The following LRRC4C variants were observed in gnomAD, a reference collection of about 807,000 sequenced individuals.
The protein encoded by LRRC4C is leucine rich repeat containing 4C.
Under a neutral mutation model 33.6 loss-of-function variants are expected in LRRC4C, and 5 were observed. The ratio of observed to expected loss-of-function variants is 0.15; its 90% CI spans 0.08 to 0.31. LRRC4C has a LOEUF of 0.31. LRRC4C is among the 10% of genes least tolerant of loss of function. The pLI is 1.00. For missense variants in LRRC4C, 560 were observed against 796.7 expected (o/e 0.70, Z 3.58); for synonymous variants, 329 against 302.0 (o/e 1.09, Z -0.93).
chr11:40,520,207 G>T (rs1199701639), intron 3 of LRRC4C, among the ~76,000 whole-genome samples: 1 of 152,166 alleles, frequency 6.6e-6, no homozygotes, highest in Non-Finnish European at 1.5e-5. Context: ...AGTTACCCAA[G>T]AGCGCATGTT....
intron 3 of LRRC4C, among the ~76,000 whole-genome samples, chr11:40,550,070 A>G (rs1228104536): frequency 6.6e-6 from 1 of 152,162 alleles, no homozygotes; most frequent in Non-Finnish European, 1.5e-5. Flanking sequence ...ACTGTAATTT[A>G]ATAATAATGA....
At chr11:41,058,224 C>T (rs1196654362) in intron 1 of LRRC4C, among the ~76,000 whole-genome samples, 2 of 152,238 alleles carry the variant, frequency 1.3e-5, no homozygotes, top group Non-Finnish European at 2.9e-5. Context: ...TTGGGGCCTG[C>T]AGTTCCTGGC....
At chr11:40,984,098 A>C (rs1008431654) in intron 1 of LRRC4C, among the ~76,000 whole-genome samples, 1 of 151,878 alleles carries the variant, frequency 6.6e-6, no homozygotes, top group Admixed American at 6.6e-5. Flanking sequence ...TGATATGTTC[A>C]ATCCTATAAC....
At chr11:40,288,975 C>T (rs188164571) in intron 4 of LRRC4C, among the ~76,000 whole-genome samples, 10 of 152,216 alleles carry the variant, frequency 6.6e-5, no homozygotes, top group Admixed American at 3.3e-4. Context: ...TGCATTATTT[C>T]CCTGTAAAAT....
intron 1 of LRRC4C, among the ~76,000 whole-genome samples, chr11:41,398,960 A>G (rs2138083003): frequency 6.6e-6 from 1 of 152,034 alleles, no homozygotes; most frequent in African/African-American, 2.4e-5. Flanking sequence ...CATCAAACAT[A>G]TTCCTGTCCA....
chr11:41,453,461 G>A (rs927891374), intron 1 of LRRC4C, among the ~76,000 whole-genome samples: 1 of 152,002 alleles, frequency 6.6e-6, no homozygotes, highest in Non-Finnish European at 1.5e-5. Flanking sequence ...TACTTGATTT[G>A]CATTTACAGA....
intron 2 of LRRC4C, among the ~76,000 whole-genome samples, chr11:40,931,698 A>G (rs930913132): frequency 6.6e-6 from 1 of 152,026 alleles, no homozygotes; most frequent in African/African-American, 2.4e-5. Context: ...ATGCGTAGAT[A>G]CTTATAATTA....
At chr11:40,442,593 G>C (rs960683789) in intron 3 of LRRC4C, among the ~76,000 whole-genome samples, 3 of 152,168 alleles carry the variant, frequency 2.0e-5, no homozygotes, top group Non-Finnish European at 4.4e-5. Context: ...GTGAGAACCC[G>C]ACCTTTAAAC....
intron 1 of LRRC4C, among the ~76,000 whole-genome samples, chr11:41,092,018 G>C (rs1357043919): frequency 6.6e-6 from 1 of 152,074 alleles, no homozygotes; most frequent in Admixed American, 6.5e-5. Context: ...TATAATTATA[G>C]TAGAAGCCCC....
intron 2 of LRRC4C, among the ~76,000 whole-genome samples, chr11:40,764,301 G>C (rs1426048161): frequency 1.3e-5 from 2 of 152,126 alleles, no homozygotes; most frequent in African/African-American, 4.8e-5. Flanking sequence ...CTTGGTCCTT[G>C]AATTAACATC....
chr11:40,911,994 G>A (rs965381735), intron 2 of LRRC4C, among the ~76,000 whole-genome samples: 18 of 152,270 alleles, frequency 1.2e-4, no homozygotes, highest in African/African-American at 4.3e-4. Flanking sequence ...GAAGTTGAGA[G>A]ACAAAAGAAT....
At chr11:40,511,268 G>A (rs921795310) in intron 3 of LRRC4C, among the ~76,000 whole-genome samples, 5 of 152,054 alleles carry the variant, frequency 3.3e-5, no homozygotes, top group African/African-American at 9.7e-5. Flanking sequence ...ATGAAAAGAG[G>A]CGTATGACAC....
chr11:41,083,334 G>A (rs2135497006), intron 1 of LRRC4C, among the ~76,000 whole-genome samples: 1 of 152,158 alleles, frequency 6.6e-6, no homozygotes, highest in East Asian at 1.9e-4. Context: ...CAGGTAACAG[G>A]GGAATTATTT....
intron 3 of LRRC4C, among the ~76,000 whole-genome samples, chr11:40,550,975 G>C (rs1158594203): frequency 6.6e-6 from 1 of 152,010 alleles, no homozygotes; most frequent in Non-Finnish European, 1.5e-5. Flanking sequence ...GAAGAAATAA[G>C]CCTTCACTTC....
intron 1 of LRRC4C, among the ~76,000 whole-genome samples, chr11:41,215,979 G>A (rs1483092904): frequency 6.6e-6 from 1 of 152,168 alleles, no homozygotes; most frequent in Non-Finnish European, 1.5e-5. Context: ...CTCGTATGCA[G>A]TTGAAACAAA....
chr11:40,237,147 T>A (rs1427097135), intron 5 of LRRC4C, among the ~76,000 whole-genome samples: 1 of 152,226 alleles, frequency 6.6e-6, no homozygotes, highest in Non-Finnish European at 1.5e-5. Flanking sequence ...CAGGTCATAG[T>A]CACATAAAAA....
At chr11:40,571,153 T>C (rs918506495) in intron 3 of LRRC4C, among the ~76,000 whole-genome samples, 6 of 152,212 alleles carry the variant, frequency 3.9e-5, no homozygotes, top group African/African-American at 1.4e-4. Context: ...TACGTAATTA[T>C]GTATTTTATA....
At chr11:41,387,003 A>G (rs1051808931) in intron 1 of LRRC4C, among the ~76,000 whole-genome samples, 29 of 151,756 alleles carry the variant, frequency 1.9e-4, no homozygotes, top group African/African-American at 7.0e-4. Flanking sequence ...TTTCCTGTAA[A>G]TTCCCAGTTG....
At chr11:40,585,250 G>A (rs907477019) in intron 3 of LRRC4C, among the ~76,000 whole-genome samples, 1 of 152,042 alleles carries the variant, frequency 6.6e-6, no homozygotes, top group African/African-American at 2.4e-5. Context: ...ACCCAAAATC[G>A]GAAGACTAGA....
Sources: allele counts gnomAD v4.1 joint callset (sites outside exome capture counted in the v4.1 genomes callset), GRCh38; gene constraint gnomAD v4.1.1; transcripts MANE v1.5; gene names NCBI Gene and HGNC (gene_info 2026-07-23, HGNC 2026-07-21).